XKRX: variants seen among roughly 807,000 people sequenced by gnomAD.
XKRX encodes XK-related protein 2.
XKRX carries 11 observed loss-of-function variants against 22.4 expected under a neutral mutation model. The ratio of observed to expected loss-of-function variants is 0.49; its 90% CI spans 0.31 to 0.81. The LOEUF (loss-of-function observed/expected upper bound fraction) is 0.81. Ranked by LOEUF, XKRX falls within the 40% of genes least tolerant of loss-of-function variation. XKRX has a pLI of 0.05. For missense variants in XKRX, 320 were observed against 336.5 expected (o/e 0.95, Z 0.38); for synonymous variants, 114 against 132.2 (o/e 0.86, Z 0.94).
chrX:100,914,305 C>T lies in XKRX; in HGVS notation c.*33G>A, dbSNP rs752458088. The T allele has an allele frequency of 8.4e-7, 1 of 1,189,834 alleles. No homozygotes were observed. Among genetic ancestry groups the T allele is most frequent in the Non-Finnish European group, 1.1e-6 (1 of 884,686 alleles). On this transcript the variant is annotated 3_prime_UTR_variant, in exon 3 of 3. Coordinates refer to ENST00000372956, the MANE Select transcript of XKRX (RefSeq NM_212559.3). ...AATTTCATGGTTACTCTTGGCAACT[C>T]CCAACTCTTCCTAAAATACCCAGAA...
chrX:100,957,894 G>C, the XKRX span, among the ~76,000 whole-genome samples: 63 of 111,417 alleles, frequency 5.7e-4, no homozygotes, highest in African/African-American at 1.9e-3. Context: ...GCTGCTGTTG[G>C]GTGAAGAGCA....
At chrX:100,897,593 A>ATATATGTG in the XKRX span, among the ~76,000 whole-genome samples, 14 of 66,460 alleles carry the variant, frequency 2.1e-4, no homozygotes, top group African/African-American at 6.0e-4. Flanking sequence ...AAATATATAT[A>ATATATGTG]TGTGTGTGTG....
chrX:100,936,540 CAAAAAAAAAAAAAA>C, the XKRX span, among the ~76,000 whole-genome samples: 1 of 25,397 alleles, frequency 3.9e-5, no homozygotes, highest in African/African-American at 1.2e-4. Context: ...GACTCTGTCT[CAAAAAAAAAAAAAA>C]AAAAAAAAAA....
At chrX:100,955,890 A>G in the XKRX span, among the ~76,000 whole-genome samples, 2 of 111,723 alleles carry the variant, frequency 1.8e-5, no homozygotes, top group African/African-American at 6.5e-5. Context: ...GATGAATTTC[A>G]AAGCCATTAC....
In XKRX at chrX:100,926,363, T is replaced by C. The variant is rs2085497833; in HGVS notation, c.335+1607A>G. On this transcript the variant is annotated intron_variant, in intron 1 of 2. Transcript: ENST00000372956. ...GGCCACTGTTTCCATTGATATCCCA[T>C]ATTCTCTCTGATAGAGCCTAATCGA... Among the ~76,000 whole-genome samples, 4 of 112,114 alleles carry C rather than the reference T, an allele frequency of 3.6e-5. No homozygotes were observed. The South Asian group carries it at 1.5e-3, about 42-fold the overall frequency.
Position 100,914,974 on chromosome X carries a change from T to C in XKRX, c.714A>G (p.Leu238=). 8.3e-7 allele frequency: 1 copy of C among 1,211,965 alleles called. No homozygotes were observed. The highest frequency in any genetic ancestry group is 1.1e-6 in the Non-Finnish European group (1 of 895,586). The change falls in exon 3 of 3, where the codon CTA becomes CTG. Residue 238 remains leucine, a synonymous_variant. Coordinates refer to ENST00000372956, the MANE Select transcript of XKRX (RefSeq NM_212559.3). Reference sequence around the variant, plus strand: ...GCCAGATGGTGATGCAGAGGACTTCTAGTGGCCCAAGGCGAATCTTGTAGT... The same window carrying C: ...GCCAGATGGTGATGCAGAGGACTTCCAGTGGCCCAAGGCGAATCTTGTAGT... ...YDDYKIRLGP[L]EVLCITIWRT...
At chrX:100,889,667 T>C in the XKRX span, among the ~76,000 whole-genome samples, 1 of 111,139 alleles carries the variant, frequency 9.0e-6, no homozygotes, top group African/African-American at 3.3e-5. Flanking sequence ...CACCAGAAGA[T>C]AGGAGACAGG....
At chrX:100,943,108 C>CTG in the XKRX span, among the ~76,000 whole-genome samples, 32 of 109,926 alleles carry the variant, frequency 2.9e-4, no homozygotes, top group Admixed American at 7.8e-4. Flanking sequence ...AACTAACTGA[C>CTG]TGTGTGTGTG....
rs746964281 is a variant in XKRX at position 100,928,160 on chromosome X, C to T, written c.145G>A (p.Ala49Thr). The T allele has an allele frequency of 3.3e-6, 4 of 1,209,862 alleles. No homozygotes were observed. Among genetic ancestry groups the T allele is most frequent in the Admixed American group, 4.4e-5 (2 of 45,754 alleles). The change falls in exon 1 of 3, where the codon GCA becomes ACA. Residue 49 changes from alanine to threonine, a missense_variant. Physicochemically the swap from Ala to Thr is moderately conservative, Grantham distance 58. Transcript: ENST00000372956. ...ATTCTAACCATGTACAAAGCAGATG[C>T]AGCCTCCCCACAGTACAAAAAGGTG... ...FSTFLYCGEAASALYMVRIYR... is the reference protein window; with the variant it reads ...FSTFLYCGEATSALYMVRIYR...
downstream of XKRX, among the ~76,000 whole-genome samples, chrX:100,912,649 G>T (rs1026990269): frequency 9.0e-6 from 1 of 111,693 alleles, no homozygotes; most frequent in Non-Finnish European, 1.9e-5. Flanking sequence ...ACGACTAGGA[G>T]TTCTTTTAAT....
the XKRX span, among the ~76,000 whole-genome samples, chrX:100,897,690 C>CA: frequency 0.045 from 576 of 12,908 alleles, 32 homozygotes; most frequent in African/African-American, 0.085. Context: ...AACTCAACAG[C>CA]AAAAAAAAAA....
intron 1 of XKRX, 130 bp from the exon 2 acceptor site, chrX:100,923,191 AC>A: frequency 2.4e-6 from 2 of 819,569 alleles, no homozygotes; most frequent in South Asian, 5.2e-5. Context: ...TTACTCCATC[AC>A]CCTGGCTGGA....
the XKRX span, among the ~76,000 whole-genome samples, chrX:100,940,304 T>C: frequency 1.8e-5 from 2 of 111,860 alleles, no homozygotes; most frequent in Admixed American, 1.9e-4. Context: ...ACTTAGGTAG[T>C]AGAGCTCAGA....
At chrX:100,948,946 C>G in the XKRX span, among the ~76,000 whole-genome samples, 1 of 112,699 alleles carries the variant, frequency 8.9e-6, no homozygotes, top group African/African-American at 3.2e-5. Flanking sequence ...TGCAAGTCAT[C>G]CCTCCATTCC....
chrX:100,956,758 A>C, the XKRX span: 1 of 558,386 alleles, frequency 1.8e-6, no homozygotes. Context: ...TGCTGAAAGA[A>C]CTGAAGCACT....
chrX:100,908,035 G>T, the XKRX span, among the ~76,000 whole-genome samples: 1 of 110,928 alleles, frequency 9.0e-6, no homozygotes. Flanking sequence ...TGATGCATTG[G>T]TAACAGATAA....
At chrX:100,958,756 C>A in the XKRX span, among the ~76,000 whole-genome samples, 16,153 of 111,526 alleles carry the variant, frequency 0.14, 1,086 homozygotes, top group Non-Finnish European at 0.21. Flanking sequence ...ATTTGTCACA[C>A]ATGGATCTGT....
the XKRX span, among the ~76,000 whole-genome samples, chrX:100,890,479 C>A: frequency 9.2e-6 from 1 of 109,253 alleles, no homozygotes. Flanking sequence ...TTGCACCAAC[C>A]TAATACATGC....
the XKRX span, among the ~76,000 whole-genome samples, chrX:100,889,772 C>T: frequency 9.0e-6 from 1 of 111,523 alleles, no homozygotes; most frequent in African/African-American, 3.3e-5. Context: ...GAGAGGCTGA[C>T]GTGAGTGGAT....
Sources: gnomAD v4.1 joint callset for allele counts (sites outside exome capture counted in the v4.1 genomes callset) on GRCh38, gnomAD v4.1.1 for gene constraint, MANE v1.5 for transcripts, NCBI Gene and HGNC (gene_info 2026-07-23, HGNC 2026-07-21) for gene names.